Variants in DISP1 observed in about 807,000 individuals in gnomAD.
DISP1 encodes the protein protein dispatched homolog 1.
In DISP1, 30 loss-of-function variants were observed where a neutral mutation model predicts 37.3. The ratio of observed to expected loss-of-function variants is 0.80; its 90% CI spans 0.60 to 1.09. DISP1 has a LOEUF of 1.09. DISP1 is among the 50% of genes least tolerant of loss of function. The pLI, the probability that DISP1 is intolerant of heterozygous loss-of-function variation, is 0.00. For missense variants in DISP1, 1,598 were observed against 1,879.5 expected (o/e 0.85, Z 2.77); for synonymous variants, 634 against 690.2 (o/e 0.92, Z 1.28).
At chr1:222,912,318 A>C (rs1313001434) in intron 1 of DISP1, among the ~76,000 whole-genome samples, 1 of 152,176 alleles carries the variant, frequency 6.6e-6, no homozygotes, top group Non-Finnish European at 1.5e-5. Context: ...TTTTCTCTCA[A>C]TAAATTGTTT....
intron 7 of DISP1, among the ~76,000 whole-genome samples, chr1:222,994,469 A>G (rs906285345): frequency 2.0e-5 from 3 of 152,136 alleles, no homozygotes; most frequent in Non-Finnish European, 4.4e-5. Flanking sequence ...TCTCCTCTCT[A>G]GTTAGCTGCC....
At chr1:222,936,830 A>ATTATATATATTATATAT (rs1558340075) in intron 2 of DISP1, among the ~76,000 whole-genome samples, 5 of 50,014 alleles carry the variant, frequency 1.0e-4, no homozygotes, top group Non-Finnish European at 1.8e-4. Context: ...TAATATATAT[A>ATTATATATATTATATAT]AATTATATAT....
intron 1 of DISP1, among the ~76,000 whole-genome samples, chr1:222,846,257 C>G (rs1389020253): frequency 6.6e-6 from 1 of 152,080 alleles, no homozygotes; most frequent in Non-Finnish European, 1.5e-5. Context: ...TTTGGGAGGC[C>G]AAGGCGGGCG....
chr1:222,882,066 AT>A (rs1432826410), intron 1 of DISP1, among the ~76,000 whole-genome samples: 6 of 152,130 alleles, frequency 3.9e-5, no homozygotes, highest in Non-Finnish European at 8.8e-5. Context: ...AATAGCAGAT[AT>A]TTTCTTTTCT....
At chr1:222,906,165 A>C (rs1216836195) in intron 1 of DISP1, among the ~76,000 whole-genome samples, 3 of 152,230 alleles carry the variant, frequency 2.0e-5, no homozygotes, top group East Asian at 1.9e-4. Flanking sequence ...AATGTATTCA[A>C]CATATAAATA....
rs181167596 is a variant in DISP1 at position 222,925,981 on chromosome 1, A to G, written c.-158-2449A>G. Among the ~76,000 whole-genome samples the G allele has an allele frequency of 2.6e-3, 390 of 152,332 alleles. 4 individuals carry two copies. Among genetic ancestry groups the G allele is most frequent in the African/African-American group, 9.1e-3 (379 of 41,582 alleles). On this transcript the variant is annotated intron_variant, in intron 1 of 8. Transcript: ENST00000675850. ...TAAAGTAAACATTTCAGTGGTTTTT[A>G]GTGTATTCACAGGACTGTGCAAACA...
intron 1 of DISP1, among the ~76,000 whole-genome samples, chr1:222,866,117 T>C (rs1669173443): frequency 6.6e-6 from 1 of 151,914 alleles, no homozygotes; most frequent in Non-Finnish European, 1.5e-5. Flanking sequence ...GAAAAAAAAA[T>C]GAATGTTGGA....
chr1:222,871,903 A>C (rs1669606634), intron 1 of DISP1, among the ~76,000 whole-genome samples: 1 of 152,164 alleles, frequency 6.6e-6, no homozygotes, highest in Non-Finnish European at 1.5e-5. Flanking sequence ...TTGTCCATTC[A>C]GTATGATATT....
At chr1:222,936,778 C>T (rs1337310297) in intron 2 of DISP1, among the ~76,000 whole-genome samples, 15 of 58,796 alleles carry the variant, frequency 2.6e-4, no homozygotes, top group African/African-American at 6.1e-4. Flanking sequence ...TTATATATAT[C>T]ATATATAATA....
rs149091579 is a variant in DISP1, at chr1:222,932,227, C to G, written c.-18+3657C>G. Reference sequence around the variant, plus strand: ...CTCAGCTCTGACTGCATGTTAAAATCACCCAGGATGCTTTAAAAAATGCTA... The same window carrying G: ...CTCAGCTCTGACTGCATGTTAAAATGACCCAGGATGCTTTAAAAAATGCTA... On this transcript the variant is annotated intron_variant, in intron 2 of 8. Transcript: ENST00000675850. Among the ~76,000 whole-genome samples, 96 of 151,966 alleles carry G rather than the reference C, an allele frequency of 6.3e-4. No homozygotes were observed. In the East Asian group the frequency reaches 0.014, roughly 21 times the overall value.
At chr1:222,830,412 G>A (rs186183841) in intron 1 of DISP1, among the ~76,000 whole-genome samples, 294 of 148,188 alleles carry the variant, frequency 2.0e-3, no homozygotes, top group African/African-American at 5.3e-3. Flanking sequence ...ACAGCGTCTC[G>A]CCCTGTCACC....
chr1:222,854,778 G>A (rs935375640), intron 1 of DISP1, among the ~76,000 whole-genome samples: 10 of 150,952 alleles, frequency 6.6e-5, no homozygotes, highest in Non-Finnish European at 1.3e-4. Flanking sequence ...CAAATATTAC[G>A]CCTACCCAGA....
In DISP1 at chr1:222,825,499, CTTTTT is replaced by C. The variant is rs954921482; in HGVS notation, c.-159+10436_-159+10440del. On this transcript the variant is annotated intron_variant, in intron 1 of 8. Coordinates refer to ENST00000675850, the MANE Select transcript of DISP1 (RefSeq NM_001377229.1). ...AAGCCATTTGGAATAACCTGTTTCTCTTTTTTTTTTTTTTTTTTTGAGATGGAGTC... is the reference window on the plus strand; with the variant it reads ...AAGCCATTTGGAATAACCTGTTTCTCTTTTTTTTTTTTTTGAGATGGAGTC... Among the ~76,000 whole-genome samples the C allele has an allele frequency of 3.0e-5, 4 of 131,800 alleles. No individual in the cohort carries two copies. The South Asian group carries it at 7.4e-4, about 25-fold the overall frequency. The allele number at this position is 131,800 out of a possible 152,430, so 86.5% of individuals were successfully genotyped here. A position where few individuals can be genotyped will look rare whatever the true frequency, so the allele number is the denominator to read the frequency against.
intron 1 of DISP1, among the ~76,000 whole-genome samples, chr1:222,838,010 G>A (rs550115447): frequency 3.9e-5 from 6 of 152,146 alleles, no homozygotes; most frequent in South Asian, 2.1e-4. Flanking sequence ...TTATCCTCTC[G>A]ATAGTTTTTC....
intron 1 of DISP1, among the ~76,000 whole-genome samples, chr1:222,853,365 A>C (rs1404481035): frequency 6.6e-6 from 1 of 152,228 alleles, no homozygotes; most frequent in African/African-American, 2.4e-5. Flanking sequence ...TATAAATAGT[A>C]CTACCATCTG....
chr1:222,911,779 G>A (rs562262678), intron 1 of DISP1, among the ~76,000 whole-genome samples: 6 of 152,098 alleles, frequency 3.9e-5, no homozygotes, highest in South Asian at 4.2e-4. Flanking sequence ...TGATCCTCCC[G>A]CCTCAGCCTC....
chr1:222,873,998 G>A (rs953261770), intron 1 of DISP1, among the ~76,000 whole-genome samples: 4 of 152,090 alleles, frequency 2.6e-5, no homozygotes, highest in African/African-American at 9.7e-5. Context: ...GCATTTGCTT[G>A]TCTGTAAAGG....
chr1:222,953,957 A>G (rs1675415848), intron 3 of DISP1, among the ~76,000 whole-genome samples: 2 of 152,186 alleles, frequency 1.3e-5, no homozygotes, highest in African/African-American at 4.8e-5. Flanking sequence ...TTATAAAACT[A>G]ATTAATATAA....
At chr1:222,903,717 T>C (rs1006474455) in intron 1 of DISP1, among the ~76,000 whole-genome samples, 1 of 152,196 alleles carries the variant, frequency 6.6e-6, no homozygotes, top group African/African-American at 2.4e-5. Context: ...TAATCTACAC[T>C]ATGTAAAATT....
Sources: allele counts gnomAD v4.1 joint callset (sites outside exome capture counted in the v4.1 genomes callset), GRCh38; gene constraint gnomAD v4.1.1; transcripts MANE v1.5; gene names NCBI Gene and HGNC (gene_info 2026-07-23, HGNC 2026-07-21).